The following ZFP57 variants were observed in gnomAD, a reference collection of about 807,000 sequenced individuals.
ZFP57 encodes ZFP57 zinc finger protein.
ZFP57 carries 12 observed loss-of-function variants against 15.8 expected under a neutral mutation model. The observed-to-expected ratio is 0.76, with a 90% CI of 0.49 to 1.23. The LOEUF (loss-of-function observed/expected upper bound fraction) is 1.23. ZFP57 is among the 50% of genes most tolerant of loss of function. The pLI, the probability that ZFP57 is intolerant of heterozygous loss-of-function variation, is 0.00. For synonymous variants in ZFP57, 203 were observed against 242.3 expected (o/e 0.84, Z 1.51); for missense variants, 536 against 654.9 (o/e 0.82, Z 1.98).
At chr6:29,674,224 A>C (rs554668892) in intron 4 of ZFP57, among the ~76,000 whole-genome samples, 2 of 146,846 alleles carry the variant, frequency 1.4e-5, no homozygotes, top group East Asian at 3.9e-4. Context: ...AAGAAGAAGA[A>C]GACGAAGACG....
chr6:29,677,841 A>T (rs2127548750), intron 1 of ZFP57, among the ~76,000 whole-genome samples: 1 of 151,990 alleles, frequency 6.6e-6, no homozygotes, highest in Non-Finnish European at 1.5e-5. Context: ...GTTCCCCTTT[A>T]TCATGGTTTT....
At chr6:29,680,835 G>A (rs1772307408) in intron 1 of ZFP57, among the ~76,000 whole-genome samples, 1 of 152,076 alleles carries the variant, frequency 6.6e-6, no homozygotes, top group African/African-American at 2.4e-5. Context: ...CACGTGCCAG[G>A]AGCCCTTCCT....
At chr6:29,677,768 T>TACATACACACACACACAC (rs71550149) in intron 1 of ZFP57, among the ~76,000 whole-genome samples, 15,548 of 149,416 alleles carry the variant, frequency 0.1, 1,036 homozygotes, top group East Asian at 0.24. Flanking sequence ...ACCAAAATTA[T>TACATACACACACACACAC]ACACACACAC....
Position 29,672,863 on chromosome 6 carries a change from A to G in ZFP57, c.1248T>C (p.His416=), listed in dbSNP as rs1771775597. 2 of 1,613,094 alleles carry G rather than the reference A, an allele frequency of 1.2e-6. No individual in the cohort carries two copies. Among genetic ancestry groups the G allele is most frequent in the Non-Finnish European group, 8.5e-7 (1 of 1,180,044 alleles). Residue 416 remains histidine, a synonymous_variant, in exon 5 of 5, where the codon CAT becomes CAC. Transcript: ENST00000376883. The stretch of plus-strand genomic sequence containing the variant: ...AAAATGAGCTGAAAGACTTGCTGCA[A>G]TGGAAGCAGTAGTTGGGCGGCTCTG... The part of the protein sequence containing the change: ...HLTEPPNYCF[H]CSKSFSSFSR...
chr6:29,675,176 AG>A (rs1180185759), intron 4 of ZFP57, among the ~76,000 whole-genome samples: 2 of 120,882 alleles, frequency 1.7e-5, no homozygotes, highest in East Asian at 3.2e-4. Flanking sequence ...AAAAAAAAAG[AG>A]AGAGAGAGAG....
rs1275852223 is a variant in ZFP57 at position 29,675,975 on chromosome 6, G to C, written c.208C>G (p.Gln70Glu). Residue 70 changes from glutamine (Q) to glutamate (E), a missense_variant, in exon 3 of 5, where the codon CAG becomes GAG. By Grantham distance (29) the Gln-to-Glu change is conservative. Transcript: ENST00000376883. Reference sequence around the variant, plus strand: ...TTAAAGGTTTCCGACATAACATCCTGGTAAAGGACCCTCTGGCTGGCATCT... The same window carrying C: ...TTAAAGGTTTCCGACATAACATCCTCGTAAAGGACCCTCTGGCTGGCATCT... ...CLDASQRVLY[Q>E]DVMSETFKNL... 1.2e-6 allele frequency: 2 copies of C among 1,613,286 alleles called. No homozygotes were observed. The highest frequency in any genetic ancestry group is 1.7e-6 in the Non-Finnish European group (2 of 1,180,032).
At chr6:29,679,052 A>ACTAGAG (rs1250637103) in intron 1 of ZFP57, among the ~76,000 whole-genome samples, 2 of 152,228 alleles carry the variant, frequency 1.3e-5, no homozygotes, top group Non-Finnish European at 2.9e-5. Flanking sequence ...CAAAGTATCC[A>ACTAGAG]CTAGAGCTCT....
intron 3 of ZFP57, 109 bp downstream of exon 3, chr6:29,675,824 A>C: frequency 7.2e-7 from 1 of 1,385,438 alleles, no homozygotes; most frequent in East Asian, 2.3e-5. Context: ...GAAAGCATAG[A>C]ACCAGGGGTC....
intron 3 of ZFP57, 75 bp downstream of exon 3, chr6:29,675,858 C>G (rs1013263593): frequency 1.3e-6 from 2 of 1,589,178 alleles, no homozygotes; most frequent in Admixed American, 3.3e-5. Flanking sequence ...GTAAGCTGAT[C>G]TACCTGTCCA....
In ZFP57 at chr6:29,677,123, C is replaced by T; in HGVS notation, c.-120G>A. The T allele has an allele frequency of 7.0e-7, 1 of 1,436,314 alleles. No individual in the cohort carries two copies. The allele number at this position is 1,436,314 out of a possible 1,614,324, so 89.0% of individuals were successfully genotyped here. On this transcript the variant is annotated 5_prime_UTR_variant, in exon 2 of 5. Transcript: ENST00000376883. ...TAACTGGGCAGATGGAGAGGCCCAG[C>T]AAAGGCCCCAGGGTTTGATGTGGCT...
At chr6:29,679,818 A>T (rs1017536884) in intron 1 of ZFP57, among the ~76,000 whole-genome samples, 6 of 151,984 alleles carry the variant, frequency 3.9e-5, no homozygotes, top group African/African-American at 1.5e-4. Context: ...CGGGAGGCAG[A>T]GGTTGCGGTG....
chr6:29,674,162 AGAAGG>A (rs1264963414), intron 4 of ZFP57, among the ~76,000 whole-genome samples: 4 of 150,562 alleles, frequency 2.7e-5, no homozygotes, highest in African/African-American at 9.8e-5. Context: ...GAAGGAGAAG[AGAAGG>A]AGAAGAAGAA....
Position 29,677,350 on chromosome 6 carries a change from A to C in ZFP57, c.-347T>G. ...GGGCTAGGTGTCTGCCGTCTGTTCT[A>C]CCCTGCTTCTAGAAACCTGAGGTCA... On this transcript the variant is annotated 5_prime_UTR_variant, in exon 2 of 5. Transcript: ENST00000376883. The C allele has an allele frequency of 2.7e-6, 1 of 365,440 alleles. No homozygotes were observed. Among genetic ancestry groups the C allele is most frequent in the East Asian group, 6.1e-5 (1 of 16,304 alleles). 22.6% of individuals were successfully genotyped at this position (365,440 alleles called of 1,614,324 possible). A position where few individuals can be genotyped will look rare whatever the true frequency, so the allele number is the denominator to read the frequency against.
At position 29,672,613 on chromosome 6, in the gene ZFP57, C is replaced by A; in HGVS notation, c.1498G>T (p.Gly500Ter). ...PTMAGEEWKHGGDQSPPRIHT... is the reference protein window; with the variant it reads ...PTMAGEEWKH ...ATCCTGGGGGGAGATTGATCACCTC[C>A]ATGCTTCCATTCCTCCCCAGCCATA... The change falls in exon 5 of 5, where the codon GGA becomes TGA. Residue 500 changes from glycine to a stop codon, truncating the protein, a stop_gained. Coordinates refer to ENST00000376883, the MANE Select transcript of ZFP57 (RefSeq NM_001109809.5). LOFTEE classifies it low-confidence loss of function (END_TRUNC). 1 of 1,611,506 alleles carries A rather than the reference C, an allele frequency of 6.2e-7. No homozygotes were observed. The highest frequency in any genetic ancestry group is 2.2e-5 in the East Asian group (1 of 44,842).
At chr6:29,676,155 G>T in intron 2 of ZFP57, 96 bp from the exon 3 acceptor site, 2 of 1,220,322 alleles carry the variant, frequency 1.6e-6, no homozygotes, top group Non-Finnish European at 2.3e-6. Context: ...TCAAGATTCA[G>T]AGAATTAAAA....
In ZFP57 at chr6:29,677,097, G is replaced by A; in HGVS notation, c.-94C>T. ...CCTTCCTGGGGCTATCTACCTCCCA[G>A]TAACTGGGCAGATGGAGAGGCCCAG... On this transcript the variant is annotated 5_prime_UTR_variant, in exon 2 of 5. Transcript: ENST00000376883. The A allele has an allele frequency of 6.3e-7, 1 of 1,591,044 alleles. No homozygotes were observed. The highest frequency in any genetic ancestry group is 1.1e-5 in the South Asian group (1 of 90,672).
At position 29,672,656 on chromosome 6, in the gene ZFP57, G is replaced by A. The variant is rs1460618831; in HGVS notation, c.1455C>T (p.Phe485=). The change falls in exon 5 of 5, where the codon TTC becomes TTT. Residue 485 remains phenylalanine (F), a synonymous_variant. Transcript: ENST00000376883. ...CAGCCATAGTGGGGACATCATGAGA[G>A]AAGCCAAGCCACTGGCCCAGGATCA... ...CRVILGQWLG[F]SHDVPTMAGE... The A allele has an allele frequency of 6.2e-7, 1 of 1,611,348 alleles. No homozygotes were observed. The highest frequency in any genetic ancestry group is 1.7e-5 in the Admixed American group (1 of 59,986).
At chr6:29,676,204 T>TA in intron 2 of ZFP57, 145 bp from the exon 3 acceptor site, 1 of 878,548 alleles carries the variant, frequency 1.1e-6, no homozygotes. Context: ...AAGAGAGAAA[T>TA]ATTAAAAGAC....
chr6:29,677,905 G>A (rs1772156404), intron 1 of ZFP57, among the ~76,000 whole-genome samples: 1 of 152,108 alleles, frequency 6.6e-6, no homozygotes, highest in Non-Finnish European at 1.5e-5. Context: ...AATATTAAAT[G>A]AAAAATTCCG....
Sources: gnomAD v4.1 joint callset for allele counts (sites outside exome capture counted in the v4.1 genomes callset) on GRCh38, gnomAD v4.1.1 for gene constraint, MANE v1.5 for transcripts, NCBI Gene and HGNC (gene_info 2026-07-23, HGNC 2026-07-21) for gene names.